Variants in KANK1 observed in about 807,000 individuals in gnomAD.
KANK1 encodes KN motif and ankyrin repeat domain-containing protein 1.
KANK1 carries 109 observed loss-of-function variants against 106.2 expected under a neutral mutation model. The ratio of observed to expected loss-of-function variants is 1.03; its 90% CI spans 0.88 to 1.20. KANK1 has a LOEUF of 1.20. KANK1 is among the 50% of genes most tolerant of loss of function. The pLI is 0.00. For synonymous variants in KANK1, 873 were observed against 652.2 expected, an observed-to-expected ratio of 1.34 and a Z score of -5.16; for missense variants, 2,399 against 1,710.7, an observed-to-expected ratio of 1.40 and a Z score of -7.10.
chr9:584,304 G>A (rs185292341), intron 1 of KANK1, among the ~76,000 whole-genome samples: 1 of 152,290 alleles, frequency 6.6e-6, no homozygotes, highest in Non-Finnish European at 1.5e-5. Flanking sequence ...TTACACATTT[G>A]TGTATTATGT....
intron 1 of KANK1, among the ~76,000 whole-genome samples, chr9:624,391 G>T (rs1388491775): frequency 1.3e-5 from 2 of 152,102 alleles, no homozygotes; most frequent in African/African-American, 4.8e-5. Flanking sequence ...GAATCAATAT[G>T]CAATCTATAT....
intron 1 of KANK1, among the ~76,000 whole-genome samples, chr9:581,970 C>G (rs1414236380): frequency 6.6e-6 from 1 of 152,186 alleles, no homozygotes; most frequent in Non-Finnish European, 1.5e-5. Context: ...ATCTTGCTAT[C>G]TTCTCACCTG....
chr9:692,869 T>A (rs1820311487), intron 2 of KANK1, among the ~76,000 whole-genome samples: 1 of 151,982 alleles, frequency 6.6e-6, no homozygotes, highest in East Asian at 1.9e-4. Flanking sequence ...ATACAGAAAT[T>A]AGCTGAGCAT....
chr9:482,238 T>G (rs1290768741), intron 3 of KANK1, among the ~76,000 whole-genome samples: 1 of 152,240 alleles, frequency 6.6e-6, no homozygotes, highest in East Asian at 1.9e-4. Flanking sequence ...TCACCCTTGA[T>G]GCTGAATCAC....
intron 1 of KANK1, among the ~76,000 whole-genome samples, chr9:671,615 C>CA (rs566979038): frequency 0.34 from 18,997 of 55,692 alleles, 2,977 homozygotes; most frequent in African/African-American, 0.39. Context: ...AACTCCGTCT[C>CA]AAAAAAAAAA....
At chr9:722,755 C>G (rs1019670727) in intron 3 of KANK1, among the ~76,000 whole-genome samples, 6 of 152,312 alleles carry the variant, frequency 3.9e-5, no homozygotes, top group South Asian at 2.1e-4. Context: ...ACCAGTTAAG[C>G]CTCAGTAGAA....
At chr9:593,586 G>C (rs1472583074) in intron 1 of KANK1, among the ~76,000 whole-genome samples, 1 of 151,356 alleles carries the variant, frequency 6.6e-6, no homozygotes, top group South Asian at 2.1e-4. Context: ...ACTTAGAGAA[G>C]TTACCCATTG....
intron 3 of KANK1, among the ~76,000 whole-genome samples, chr9:714,263 TA>T (rs1050220550): frequency 5.3e-5 from 8 of 151,944 alleles, no homozygotes; most frequent in African/African-American, 1.9e-4. Context: ...GTGAAGAAAT[TA>T]ACTCCGGTTA....
At chr9:583,322 C>G (rs1044444035) in intron 1 of KANK1, among the ~76,000 whole-genome samples, 7 of 152,132 alleles carry the variant, frequency 4.6e-5, no homozygotes, top group African/African-American at 1.7e-4. Context: ...GTAGGTTCAT[C>G]ATAAGGACTG....
chr9:503,957 G>C (rs10116973), upstream of KANK1, among the ~76,000 whole-genome samples: 32,696 of 152,096 alleles, frequency 0.21, 7,382 homozygotes, highest in African/African-American at 0.58. Flanking sequence ...CCTTTCCGCC[G>C]AGGACTCTGT....
chr9:718,847 A>G (rs971864437), intron 3 of KANK1, among the ~76,000 whole-genome samples: 2 of 151,928 alleles, frequency 1.3e-5, no homozygotes, highest in Non-Finnish European at 2.9e-5. Flanking sequence ...GCTTTTCCTC[A>G]CAAAGTAGTA....
intron 8 of KANK1, 136 bp from the exon 9 acceptor site, chr9:740,656 A>G (rs1166163414): frequency 2.1e-6 from 2 of 954,364 alleles, no homozygotes; most frequent in Admixed American, 2.8e-5. Flanking sequence ...ATTTCCTTCT[A>G]AGTCACTCTT....
chr9:615,339 T>C (rs1256342891), intron 1 of KANK1, among the ~76,000 whole-genome samples: 1 of 152,218 alleles, frequency 6.6e-6, no homozygotes, highest in Non-Finnish European at 1.5e-5. Context: ...TATTCTTTGC[T>C]CTTTTAGTCC....
intron 2 of KANK1, 142 bp downstream of exon 2, chr9:677,151 G>T: frequency 2.7e-6 from 2 of 747,330 alleles, no homozygotes; most frequent in South Asian, 2.0e-5. Context: ...ATTGAAGTTT[G>T]GGTTTGTTTT....
At chr9:515,152 G>A (rs1587409246) in intron 1 of KANK1, among the ~76,000 whole-genome samples, 1 of 151,546 alleles carries the variant, frequency 6.6e-6, no homozygotes, top group East Asian at 1.9e-4. Flanking sequence ...GACCATCCTG[G>A]CTAACACAGT....
chr9:496,126 C>G (rs953973379), intron 3 of KANK1, among the ~76,000 whole-genome samples: 1 of 152,146 alleles, frequency 6.6e-6, no homozygotes, highest in African/African-American at 2.4e-5. Context: ...TCTGTGAGCC[C>G]CATTCTTCTT....
intron 2 of KANK1, among the ~76,000 whole-genome samples, chr9:702,553 A>G (rs935047398): frequency 4.6e-5 from 7 of 152,204 alleles, no homozygotes; most frequent in African/African-American, 1.7e-4. Flanking sequence ...ATGTGCCTTT[A>G]TTATCAATAT....
chr9:731,398 C>CAGAAAGGT, intron 5 of KANK1, 132 bp downstream of exon 5: 1 of 553,974 alleles, frequency 1.8e-6, no homozygotes, highest in East Asian at 3.2e-5. Flanking sequence ...CTCAGAAAGG[C>CAGAAAGGT]AGAAAGGTGC....
chr9:623,307 T>G (rs750979036), intron 1 of KANK1, among the ~76,000 whole-genome samples: 1 of 151,994 alleles, frequency 6.6e-6, no homozygotes, highest in Non-Finnish European at 1.5e-5. Context: ...GAAAAGATGC[T>G]TGCCAGGTAC....
Sources: gnomAD v4.1 joint callset for allele counts (sites outside exome capture counted in the v4.1 genomes callset) on GRCh38, gnomAD v4.1.1 for gene constraint, MANE v1.5 for transcripts, NCBI Gene and HGNC (gene_info 2026-07-23, HGNC 2026-07-21) for gene names.